THAP10: variants seen among roughly 807,000 people sequenced by gnomAD.
THAP10 encodes THAP domain-containing protein 10.
In THAP10, 10 loss-of-function variants were observed where a neutral mutation model predicts 15.7. That is an observed-to-expected ratio of 0.64 (90% confidence interval 0.39 to 1.08). The LOEUF is 1.08. Ranked by LOEUF, THAP10 falls within the 50% of genes least tolerant of loss-of-function variation. The probability of loss-of-function intolerance (pLI) is 0.01; values close to 1 mark genes in which losing one functional copy is unlikely to be tolerated. For synonymous variants in THAP10, 127 were observed against 129.1 expected (o/e 0.98, Z 0.11); for missense variants, 310 against 330.9 (o/e 0.94, Z 0.49).
intron 1 of THAP10, among the ~76,000 whole-genome samples, chr15:70,886,038 G>A (rs2033398252): frequency 6.6e-6 from 1 of 152,050 alleles, no homozygotes; most frequent in African/African-American, 2.4e-5. Context: ...ACTAAAAAAT[G>A]CCCAGAGATA....
At chr15:70,887,675 G>A (rs972241071) in intron 1 of THAP10, among the ~76,000 whole-genome samples, 2 of 152,118 alleles carry the variant, frequency 1.3e-5, no homozygotes, top group Admixed American at 1.3e-4. Flanking sequence ...CTTTCCCTCT[G>A]AAATTAGGAA....
rs1443401500 is a variant in THAP10 at position 70,881,809 on chromosome 15, C to T, written c.*645G>A. The T allele has an allele frequency of 6.6e-6, 1 of 152,164 alleles. No homozygotes were observed. Among genetic ancestry groups the T allele is most frequent in the Non-Finnish European group, 1.5e-5 (1 of 68,034 alleles). The allele number at this position is 152,164 out of a possible 1,614,324, so 9.4% of individuals were successfully genotyped here. ...GTGTCGCAGTAAGCACTGATGCAAA[C>T]AGATTTCATTAATAAGTTAATGTAA... On this transcript the variant is annotated 3_prime_UTR_variant, in exon 3 of 3. Transcript: ENST00000249861.
rs1410085106 is a variant in THAP10, at chr15:70,892,347, G to A, written c.-75C>T. On this transcript the variant is annotated 5_prime_UTR_variant, in exon 1 of 3. Coordinates refer to ENST00000249861, the MANE Select transcript of THAP10 (RefSeq NM_020147.4). ...TGGGCACGCTCCTCGCAGCGGCCTCGGCGAGGCAAGTCCTCCCCTCCTCAC... is the reference window on the plus strand; with the variant it reads ...TGGGCACGCTCCTCGCAGCGGCCTCAGCGAGGCAAGTCCTCCCCTCCTCAC... 6.5e-7 allele frequency: 1 copy of A among 1,548,658 alleles called. No individual in the cohort carries two copies. The highest frequency in any genetic ancestry group is 8.7e-7 in the Non-Finnish European group (1 of 1,146,772).
In THAP10 at chr15:70,892,341, G is replaced by A. The variant is rs28364707; in HGVS notation, c.-69C>T. On this transcript the variant is annotated 5_prime_UTR_variant, in exon 1 of 3. Coordinates refer to ENST00000249861, the MANE Select transcript of THAP10 (RefSeq NM_020147.4). ...CGCCCTTGGGCACGCTCCTCGCAGC[G>A]GCCTCGGCGAGGCAAGTCCTCCCCT... 1.2e-5 allele frequency: 18 copies of A among 1,549,004 alleles called. No individual in the cohort carries two copies. The East Asian group carries it at 4.4e-4, about 38-fold the overall frequency.
intron 1 of THAP10, among the ~76,000 whole-genome samples, chr15:70,883,963 T>G (rs16954977): frequency 0.022 from 3,380 of 152,084 alleles, 136 homozygotes; most frequent in African/African-American, 0.076. Flanking sequence ...GCGGTGAAAT[T>G]TGATTTGTAG....
chr15:70,882,670 A>T lies in THAP10; in HGVS notation c.578-20T>A. On this transcript the variant is annotated intron_variant, in intron 2 of 2. Transcript: ENST00000249861. ...GAATACCTGAAAGAGAATAAGCATA[A>T]GTACCTATGAGTTAGACTTTGCTTT... 6.2e-7 allele frequency: 1 copy of T among 1,611,866 alleles called. No individual in the cohort carries two copies. Among genetic ancestry groups the T allele is most frequent in the Non-Finnish European group, 8.5e-7 (1 of 1,178,572 alleles).
At chr15:70,890,652 G>T (rs2033530810) in intron 1 of THAP10, among the ~76,000 whole-genome samples, 1 of 152,292 alleles carries the variant, frequency 6.6e-6, no homozygotes, top group African/African-American at 2.4e-5. Flanking sequence ...CACGAAGAAT[G>T]AGAGTACATA....
intron 1 of THAP10, among the ~76,000 whole-genome samples, chr15:70,885,829 A>C (rs1358286438): frequency 6.6e-6 from 1 of 152,196 alleles, no homozygotes; most frequent in Non-Finnish European, 1.5e-5. Flanking sequence ...AGGATATAGG[A>C]AATTTAAACA....
chr15:70,891,567 CTGTGTGTGTGTGTGTGTGTGTGTG>C (rs3220843), intron 1 of THAP10, among the ~76,000 whole-genome samples: 12 of 137,140 alleles, frequency 8.8e-5, no homozygotes, highest in African/African-American at 1.1e-4. Context: ...GGACAAGACT[CTGTGTGTGTGTGTGTGTGTGTGTG>C]TGTGTGTGTG....
At chr15:70,886,707 A>G (rs2033416718) in intron 1 of THAP10, among the ~76,000 whole-genome samples, 1 of 152,136 alleles carries the variant, frequency 6.6e-6, no homozygotes. Context: ...CACTACTAAA[A>G]ATACAAAAAT....
At chr15:70,883,089 G>A (rs951393516) in intron 1 of THAP10, among the ~76,000 whole-genome samples, 181 bp from the exon 2 acceptor site, 1 of 151,968 alleles carries the variant, frequency 6.6e-6, no homozygotes, top group Non-Finnish European at 1.5e-5. Context: ...CTGCCATATT[G>A]TCTTTTTTCC....
At chr15:70,885,853 T>C (rs981273645) in intron 1 of THAP10, among the ~76,000 whole-genome samples, 62 of 152,284 alleles carry the variant, frequency 4.1e-4, no homozygotes, top group Non-Finnish European at 2.2e-4. Context: ...TTAATAGACA[T>C]CAGTGGAACA....
Position 70,892,118 on chromosome 15 carries a change from A to AC in THAP10, c.154dup (p.Val52GlyfsTer5), listed in dbSNP as rs2033602326. 1 of 1,613,838 alleles carries AC rather than the reference A, an allele frequency of 6.2e-7. No individual in the cohort carries two copies. The highest frequency in any genetic ancestry group is 1.3e-5 in the African/African-American group (1 of 74,932). On this transcript the variant is annotated frameshift_variant, in exon 1 of 3. Transcript: ENST00000249861. LOFTEE classifies it high-confidence loss of function. The stretch of plus-strand genomic sequence containing the variant: ...TGGGGCAAAGTGGTCAGAGCAGATG[A>AC]CCGAGCGGTCATTGCCTCCGTACCA...
At chr15:70,891,708 T>G in intron 1 of THAP10, 136 bp downstream of exon 1, 1 of 782,058 alleles carries the variant, frequency 1.3e-6, no homozygotes, top group South Asian at 1.9e-5. Context: ...AGATCACCTC[T>G]AAAGCACACC....
Position 70,882,240 on chromosome 15 carries a change from A to G in THAP10, c.*214T>C, listed in dbSNP as rs540462822. ...TCTACCAAAAGGATTAAAAGAAAAA[A>G]AAAGGTGAAAGTAGAGAATAGGGAT... On this transcript the variant is annotated 3_prime_UTR_variant, in exon 3 of 3. Transcript: ENST00000249861. 3 of 428,794 alleles carry G rather than the reference A, an allele frequency of 7.0e-6. No homozygotes were observed. The highest frequency in any genetic ancestry group is 1.2e-5 in the Non-Finnish European group (3 of 244,456). 26.6% of individuals were successfully genotyped at this position (428,794 alleles called of 1,614,324 possible).
At position 70,882,596 on chromosome 15, in the gene THAP10, T is replaced by G. The variant is rs768837499; in HGVS notation, c.632A>C (p.Gln211Pro). 1 of 1,614,082 alleles carries G rather than the reference T, an allele frequency of 6.2e-7. No homozygotes were observed. Among genetic ancestry groups the G allele is most frequent in the South Asian group, 1.1e-5 (1 of 91,074 alleles). The change falls in exon 3 of 3, where the codon CAG (glutamine) becomes CCG (proline). Residue 211 changes from glutamine to proline, a missense_variant. Coordinates refer to ENST00000249861, the MANE Select transcript of THAP10 (RefSeq NM_020147.4). Reference protein sequence around the residue: ...FGKRLCNATTQTEELWSRTSS... With the variant: ...FGKRLCNATTPTEELWSRTSS... ...AGTTCTAGACCACAATTCCTCTGTC[T>G]GAGTAGTTGCATTACACAGTCTTTT...
chr15:70,892,052 C>G lies in THAP10; in HGVS notation c.221G>C (p.Arg74Pro). The G allele has an allele frequency of 6.2e-7, 1 of 1,613,682 alleles. No homozygotes were observed. The highest frequency in any genetic ancestry group is 8.5e-7 in the Non-Finnish European group (1 of 1,179,820). ...DVSSVIQKNL[R>P]FSQRLRLVAG... is the part of the protein sequence containing the mutation. ...CACCAGCCTCAGGCGCTGGGAGAAGCGCAGGTTCTTCTGGATAACCGAAGA... is the reference window on the plus strand; with the variant it reads ...CACCAGCCTCAGGCGCTGGGAGAAGGGCAGGTTCTTCTGGATAACCGAAGA... Residue 74 changes from arginine to proline, a missense_variant, in exon 1 of 3, where the codon CGC (arginine) becomes CCC (proline). Coordinates refer to ENST00000249861, the MANE Select transcript of THAP10 (RefSeq NM_020147.4).
In THAP10 at chr15:70,885,228, G is replaced by A. The variant is rs554152983; in HGVS notation, c.430-2320C>T. 3.9e-5 allele frequency among the ~76,000 whole-genome samples: 6 copies of A among 152,124 alleles called. 1 individual carries two copies. The South Asian group carries it at 1.2e-3, about 32-fold the overall frequency. ...AGAACAAGGCAGAAAGAGACAAAAG[G>A]AAAATAGAAAATACAGAAAATGTCA... On this transcript the variant is annotated intron_variant, in intron 1 of 2. Coordinates refer to ENST00000249861, the MANE Select transcript of THAP10 (RefSeq NM_020147.4).
Position 70,882,764 on chromosome 15 carries a change from C to T in THAP10, c.574G>A (p.Val192Met). ...CCATTGAAGAGTCAAAACATACCCA[C>T]ACTACGGTGACGGGGCCTTTTCAAA... ...ISLKRPRHRS[V>M]GIQAKVKAFG... is the part of the protein sequence containing the mutation. The change falls in exon 2 of 3, where the codon GTG (valine) becomes ATG (methionine). Residue 192 changes from valine (V) to methionine (M), a missense_variant. Transcript: ENST00000249861. 6.2e-7 allele frequency: 1 copy of T among 1,614,120 alleles called. No individual in the cohort carries two copies. The highest frequency in any genetic ancestry group is 2.2e-5 in the East Asian group (1 of 44,866).
Sources: allele counts gnomAD v4.1 joint callset (sites outside exome capture counted in the v4.1 genomes callset), GRCh38; gene constraint gnomAD v4.1.1; transcripts MANE v1.5; gene names NCBI Gene and HGNC (gene_info 2026-07-23, HGNC 2026-07-21).